RPS6KC1: variants seen among roughly 807,000 people sequenced by gnomAD.
RPS6KC1 encodes the protein inactive ribosomal protein S6 kinase delta-1.
RPS6KC1 carries 54 observed loss-of-function variants against 103.8 expected under a neutral mutation model. That is an observed-to-expected ratio of 0.52 (90% CI 0.42 to 0.65). The LOEUF is 0.65. RPS6KC1 is among the 30% of genes least tolerant of loss of function. The probability of loss-of-function intolerance (pLI) is 0.00; values close to 1 mark genes in which losing one functional copy is unlikely to be tolerated. For synonymous variants in RPS6KC1, 439 were observed against 438.7 expected (o/e 1.00, Z -0.01); for missense variants, 1,151 against 1,253.8 (o/e 0.92, Z 1.24).
the RPS6KC1 span, among the ~76,000 whole-genome samples, chr1:213,736,212 A>G: frequency 6.6e-6 from 1 of 152,182 alleles, no homozygotes; most frequent in African/African-American, 2.4e-5. Context: ...CTCAGTTTCC[A>G]TGGGTCAGTA....
chr1:213,213,008 G>A lies in RPS6KC1; in HGVS notation c.1045-17489G>A, dbSNP rs1295656565. Among the ~76,000 whole-genome samples, 3 of 152,248 alleles carry A rather than the reference G, an allele frequency of 2.0e-5. No homozygotes were observed. In the South Asian group the frequency reaches 6.2e-4, roughly 32 times the overall value. ...ATTTATAAATATTTTCTCTCTGGCAGTGGCTTGTTTTCTCATTCTCTTGAC... is the reference window on the plus strand; with the variant it reads ...ATTTATAAATATTTTCTCTCTGGCAATGGCTTGTTTTCTCATTCTCTTGAC... On this transcript the variant is annotated intron_variant, in intron 8 of 14. Coordinates refer to ENST00000366960, the MANE Select transcript of RPS6KC1 (RefSeq NM_012424.6).
chr1:213,480,236 G>A, the RPS6KC1 span, among the ~76,000 whole-genome samples: 1 of 151,878 alleles, frequency 6.6e-6, no homozygotes, highest in African/African-American at 2.4e-5. Context: ...CCATGATCGT[G>A]GTCATGATCT....
the RPS6KC1 span, among the ~76,000 whole-genome samples, chr1:213,363,601 GCTCGCTTGCTTGCTTGCTTGCTTGCTTT>G: frequency 2.1e-5 from 1 of 48,032 alleles, no homozygotes; most frequent in African/African-American, 2.0e-4. Context: ...GCCCTTGCTC[GCTCGCTTGCTTGCTTGCTTGCTTGCTTT>G]CTTTCTTTCT....
chr1:213,634,705 A>G, the RPS6KC1 span, among the ~76,000 whole-genome samples: 1 of 151,364 alleles, frequency 6.6e-6, no homozygotes, highest in Non-Finnish European at 1.5e-5. Flanking sequence ...CAAAAGCTAG[A>G]AGAAGGCAAG....
chr1:213,530,649 A>G, the RPS6KC1 span, among the ~76,000 whole-genome samples: 9 of 152,238 alleles, frequency 5.9e-5, no homozygotes, highest in African/African-American at 1.9e-4. Flanking sequence ...CAAGGGCCTT[A>G]TAGCAGGAGG....
At chr1:213,223,529 G>A (rs745877432) in intron 8 of RPS6KC1, among the ~76,000 whole-genome samples, 5 of 152,146 alleles carry the variant, frequency 3.3e-5, no homozygotes, top group African/African-American at 1.2e-4. Flanking sequence ...TGCTGCAAAA[G>A]ACATTATTTC....
At chr1:213,311,231 C>T in the RPS6KC1 span, among the ~76,000 whole-genome samples, 37 of 152,060 alleles carry the variant, frequency 2.4e-4, no homozygotes, top group African/African-American at 5.1e-4. Flanking sequence ...CTCCGCCTTC[C>T]GGGTTCACGC....
intron 6 of RPS6KC1, among the ~76,000 whole-genome samples, chr1:213,142,722 C>T (rs984203361): frequency 1.2e-4 from 18 of 152,050 alleles, no homozygotes; most frequent in African/African-American, 4.1e-4. Flanking sequence ...AAGCAGTATT[C>T]CCTCTAACAG....
At chr1:213,735,800 T>G in the RPS6KC1 span, among the ~76,000 whole-genome samples, 6 of 152,338 alleles carry the variant, frequency 3.9e-5, no homozygotes, top group Admixed American at 6.5e-5. Context: ...AATGTAACAT[T>G]CTAATGTGAG....
At chr1:213,090,946 G>T (rs1193579272) in intron 3 of RPS6KC1, among the ~76,000 whole-genome samples, 1 of 152,238 alleles carries the variant, frequency 6.6e-6, no homozygotes, top group African/African-American at 2.4e-5. Context: ...CTTAAGAGGA[G>T]ATAGCTGGAT....
At chr1:213,318,460 G>A in the RPS6KC1 span, among the ~76,000 whole-genome samples, 1 of 152,170 alleles carries the variant, frequency 6.6e-6, no homozygotes, top group Non-Finnish European at 1.5e-5. Flanking sequence ...CATAAATTGA[G>A]TTTTGGTCTC....
At chr1:213,206,811 G>A (rs1275016794) in intron 8 of RPS6KC1, among the ~76,000 whole-genome samples, 1 of 151,864 alleles carries the variant, frequency 6.6e-6, no homozygotes, top group East Asian at 1.9e-4. Flanking sequence ...TTTCTCTTGG[G>A]GTTCATATAG....
chr1:213,096,668 G>GA (rs1039419610), intron 3 of RPS6KC1, among the ~76,000 whole-genome samples: 212 of 142,312 alleles, frequency 1.5e-3, no homozygotes, highest in African/African-American at 2.9e-3. Context: ...CTGTATCAAA[G>GA]AAAAAAAAAA....
chr1:213,251,557 G>T (rs950589413), intron 12 of RPS6KC1, among the ~76,000 whole-genome samples: 1 of 152,202 alleles, frequency 6.6e-6, no homozygotes, highest in Non-Finnish European at 1.5e-5. Context: ...CTGGAATAGT[G>T]CAGTCAGCTG....
chr1:213,051,473 C>A lies in RPS6KC1; in HGVS notation c.69C>A (p.His23Gln). 6.2e-7 allele frequency: 1 copy of A among 1,613,680 alleles called. No individual in the cohort carries two copies. The highest frequency in any genetic ancestry group is 8.5e-7 in the Non-Finnish European group (1 of 1,179,806). ...ACACTGTCACCGAGCCCCAGCGACA[C>A]CCGAGGGGCTACACAGTATATAAGG... is the stretch of plus-strand genomic sequence containing the variant. ...RFYTVTEPQRHPRGYTVYKVT... is the reference protein window; with the variant it reads ...RFYTVTEPQRQPRGYTVYKVT... Residue 23 changes from histidine to glutamine, a missense_variant, in exon 1 of 15, where the codon CAC becomes CAA. Coordinates refer to ENST00000366960, the MANE Select transcript of RPS6KC1 (RefSeq NM_012424.6).
At chr1:213,559,909 A>C in the RPS6KC1 span, among the ~76,000 whole-genome samples, 8 of 152,288 alleles carry the variant, frequency 5.3e-5, no homozygotes, top group African/African-American at 7.2e-5. Flanking sequence ...GCTTTTTTTC[A>C]TACTAAGTCT....
chr1:213,566,200 A>G, the RPS6KC1 span, among the ~76,000 whole-genome samples: 9 of 152,082 alleles, frequency 5.9e-5, no homozygotes, highest in East Asian at 9.7e-4. Flanking sequence ...AATTCTGTCA[A>G]CTCTGCTCTG....
chr1:213,691,859 A>C, the RPS6KC1 span, among the ~76,000 whole-genome samples: 3 of 152,134 alleles, frequency 2.0e-5, no homozygotes, highest in African/African-American at 7.2e-5. Flanking sequence ...GGAGGCAGTG[A>C]CCTTCTGGCT....
At chr1:213,225,943 G>A (rs887657973) in intron 8 of RPS6KC1, among the ~76,000 whole-genome samples, 3 of 151,246 alleles carry the variant, frequency 2.0e-5, no homozygotes, top group African/African-American at 7.3e-5. Flanking sequence ...CCTCATGTAA[G>A]CTGGGTGTGG....
Sources: allele counts gnomAD v4.1 joint callset (sites outside exome capture counted in the v4.1 genomes callset), GRCh38; gene constraint gnomAD v4.1.1; transcripts MANE v1.5; gene names NCBI Gene and HGNC (gene_info 2026-07-23, HGNC 2026-07-21).